Variants in ZSCAN25 observed in about 807,000 individuals in gnomAD.
ZSCAN25 encodes the protein zinc finger and SCAN domain-containing protein 25.
ZSCAN25 carries 27 observed loss-of-function variants against 38.7 expected under a neutral mutation model. The observed-to-expected ratio is 0.70, with a 90% confidence interval of 0.51 to 0.96. The LOEUF (loss-of-function observed/expected upper bound fraction) is 0.96, where lower values mean the gene tolerates loss of function less well. Ranked by LOEUF, ZSCAN25 falls within the 40% of genes least tolerant of loss-of-function variation. ZSCAN25 has a pLI of 0.00. For missense variants in ZSCAN25, 637 were observed against 705.9 expected (o/e 0.90, Z 1.11); for synonymous variants, 273 against 277.7 (o/e 0.98, Z 0.17).
At chr7:99,694,756 CCA>C in the ZSCAN25 span, among the ~76,000 whole-genome samples, 37,953 of 151,870 alleles carry the variant, frequency 0.25, 8,301 homozygotes, top group African/African-American at 0.58. Context: ...ATGATCTAAG[CCA>C]CAGAGCTGAC....
At chr7:99,725,216 T>C in the ZSCAN25 span, among the ~76,000 whole-genome samples, 1 of 152,156 alleles carries the variant, frequency 6.6e-6, no homozygotes, top group African/African-American at 2.4e-5. Flanking sequence ...CATTAGATGC[T>C]TCACAGCCCT....
At chr7:99,694,130 C>A in the ZSCAN25 span, among the ~76,000 whole-genome samples, 3 of 152,158 alleles carry the variant, frequency 2.0e-5, no homozygotes, top group East Asian at 3.8e-4. Context: ...TGTATTGTCT[C>A]TAAAATCTCA....
the ZSCAN25 span, chr7:99,714,433 A>T: frequency 4.1e-6 from 6 of 1,473,430 alleles, no homozygotes; most frequent in Admixed American, 1.3e-4. Context: ...TGCTCTAAAC[A>T]TAAGTACTCT....
At chr7:99,638,335 G>T in the ZSCAN25 span, 2 of 1,605,268 alleles carry the variant, frequency 1.2e-6, no homozygotes, top group Non-Finnish European at 1.7e-6. Context: ...TTCCTGTCCT[G>T]AATCCAGGTC....
the ZSCAN25 span, chr7:99,734,959 G>C: frequency 6.2e-7 from 1 of 1,610,068 alleles, no homozygotes. Flanking sequence ...ATAAGGGAAA[G>C]AGAGGCCTGA....
chr7:99,679,240 C>G, the ZSCAN25 span, among the ~76,000 whole-genome samples: 1 of 152,026 alleles, frequency 6.6e-6, no homozygotes, highest in African/African-American at 2.4e-5. Flanking sequence ...TTTTCAGGGG[C>G]ATGGCACAGG....
At chr7:99,633,663 T>C (rs1317699551), downstream of ZSCAN25, among the ~76,000 whole-genome samples, 2 of 152,192 alleles carry the variant, frequency 1.3e-5, no homozygotes, top group Non-Finnish European at 2.9e-5. Context: ...ACTGCCAGGC[T>C]AAGGTGCTAC....
At chr7:99,638,099 C>T in the ZSCAN25 span, 1 of 802,238 alleles carries the variant, frequency 1.2e-6, no homozygotes, top group Non-Finnish European at 1.9e-6. Context: ...CCCCCAAGCC[C>T]TCTCCCCCCA....
At chr7:99,636,046 CAAAAAAAAAAA>C (rs780898445), downstream of ZSCAN25, among the ~76,000 whole-genome samples, 2 of 43,406 alleles carry the variant, frequency 4.6e-5, no homozygotes, top group African/African-American at 6.9e-5. Flanking sequence ...GACTCCATCT[CAAAAAAAAAAA>C]AAAAAAAAAA....
the ZSCAN25 span, chr7:99,649,975 G>T: frequency 1.4e-6 from 2 of 1,447,398 alleles, no homozygotes; most frequent in Non-Finnish European, 1.9e-6. Flanking sequence ...TTGGCCCATA[G>T]AATGAATTAT....
chr7:99,625,977 TG>T (rs1807433560), intron 7 of ZSCAN25, among the ~76,000 whole-genome samples: 1 of 152,324 alleles, frequency 6.6e-6, no homozygotes, highest in Admixed American at 6.5e-5. Flanking sequence ...GACAGCTGCT[TG>T]GGGCTGGGCC....
the ZSCAN25 span, among the ~76,000 whole-genome samples, chr7:99,656,137 A>C: frequency 1.3e-5 from 2 of 152,140 alleles, no homozygotes; most frequent in African/African-American, 4.8e-5. Flanking sequence ...GTGGTGAGAG[A>C]GGGCATCCCT....
the ZSCAN25 span, chr7:99,638,743 A>G: frequency 4.3e-6 from 5 of 1,168,828 alleles, no homozygotes; most frequent in Non-Finnish European, 6.4e-6. Context: ...GTTCCCGAAG[A>G]TTTTGCATAG....
At chr7:99,719,927 G>C in the ZSCAN25 span, among the ~76,000 whole-genome samples, 1 of 152,148 alleles carries the variant, frequency 6.6e-6, no homozygotes, top group African/African-American at 2.4e-5. Flanking sequence ...AACCCTGGAG[G>C]TGGAGGTTGC....
chr7:99,629,815 G>T lies in ZSCAN25; in HGVS notation c.1430G>T (p.Arg477Leu). 1 of 1,614,190 alleles carries T rather than the reference G, an allele frequency of 6.2e-7. No homozygotes were observed. Among genetic ancestry groups the T allele is most frequent in the Non-Finnish European group, 8.5e-7 (1 of 1,180,012 alleles). The change falls in exon 8 of 8, where the codon CGG becomes CTG. Residue 477 changes from arginine (R) to leucine (L), a missense_variant. Coordinates refer to ENST00000394152, the MANE Select transcript of ZSCAN25 (RefSeq NM_145115.3). This position sits in a 1 kb window ranked among gnomAD's most constrained non-coding sequence, Gnocchi z 5.6. ...AGGAATGCCAATCTGGCGGTGCACCGGCGTGCCCACACTGGCGAGAAGCCA... is the reference window on the plus strand; with the variant it reads ...AGGAATGCCAATCTGGCGGTGCACCTGCGTGCCCACACTGGCGAGAAGCCA... ...FSRNANLAVH[R>L]RAHTGEKPYG... is the part of the protein sequence containing the mutation.
At chr7:99,633,748 A>G (rs1180648560), downstream of ZSCAN25, among the ~76,000 whole-genome samples, 2 of 152,172 alleles carry the variant, frequency 1.3e-5, no homozygotes, top group East Asian at 1.9e-4. Context: ...ATGGATTTAA[A>G]CATACTTGGT....
chr7:99,676,669 G>A, the ZSCAN25 span: 12 of 704,298 alleles, frequency 1.7e-5, no homozygotes, highest in South Asian at 1.5e-4. Flanking sequence ...GTCACTGGGA[G>A]CCTATGGTGA....
At chr7:99,697,777 A>T in the ZSCAN25 span, among the ~76,000 whole-genome samples, 38 of 152,310 alleles carry the variant, frequency 2.5e-4, no homozygotes, top group African/African-American at 8.9e-4. Flanking sequence ...GTGCATTTGG[A>T]TCCTTGCCCC....
intron 5 of ZSCAN25, 43 bp downstream of exon 5, chr7:99,621,617 CAG>C: frequency 7.7e-7 from 1 of 1,292,084 alleles, no homozygotes; most frequent in Non-Finnish European, 9.9e-7. Context: ...TCATAGGAAA[CAG>C]TGCTGTGCAG....
Sources: allele counts gnomAD v4.1 joint callset (sites outside exome capture counted in the v4.1 genomes callset), GRCh38; gene constraint gnomAD v4.1.1; non-coding constraint Gnocchi (gnomAD v3.1); transcripts MANE v1.5; gene names NCBI Gene and HGNC (gene_info 2026-07-23, HGNC 2026-07-21).